Variants in USE1 observed in about 807,000 individuals in gnomAD.
The protein encoded by USE1 is vesicle transport protein USE1.
Under a neutral mutation model 37.6 loss-of-function variants are expected in USE1, and 32 were observed. That is an observed-to-expected ratio of 0.85 (90% CI 0.64 to 1.14). The LOEUF (loss-of-function observed/expected upper bound fraction) is 1.14. USE1 is among the 50% of genes most tolerant of loss of function. The pLI is 0.00. For synonymous variants in USE1, 149 were observed against 137.6 expected (o/e 1.08, Z -0.58); for missense variants, 310 against 332.2 (o/e 0.93, Z 0.52).
At position 17,215,555 on chromosome 19, in the gene USE1, A is replaced by AGCCCGAC. The variant is rs1381673659; in HGVS notation, c.102+48_102+49insGCCCGAC. 2.6e-6 allele frequency: 4 copies of AGCCCGAC among 1,541,870 alleles called. No individual in the cohort carries two copies. The South Asian group carries it at 4.8e-5, about 18-fold the overall frequency. Reference sequence around the variant, plus strand: ...CGTAGAGCCCGACTCCCGGGGGGTGATTCCTAGGGTTGGAAGCCACCTGGC... The same window carrying AGCCCGAC: ...CGTAGAGCCCGACTCCCGGGGGGTGAGCCCGACTTCCTAGGGTTGGAAGCCACCTGGC... On this transcript the variant is annotated intron_variant, in intron 1 of 7. Coordinates refer to ENST00000263897, the MANE Select transcript of USE1 (RefSeq NM_018467.4).
At chr19:17,218,414 C>G in intron 6 of USE1, 23 bp downstream of exon 6, 1 of 1,613,522 alleles carries the variant, frequency 6.2e-7, no homozygotes, top group Non-Finnish European at 8.5e-7. Context: ...GGCCCTGGGG[C>G]AGTAGTGGCA....
chr19:17,217,656 C>G (rs2073298848), intron 5 of USE1, 194 bp downstream of exon 5: 2 of 811,858 alleles, frequency 2.5e-6, no homozygotes, highest in Non-Finnish European at 4.0e-6. Flanking sequence ...CACAGTGGCT[C>G]ACACCTGTAA....
chr19:17,218,504 C>A, intron 6 of USE1, 113 bp downstream of exon 6: 1 of 1,360,200 alleles, frequency 7.4e-7, no homozygotes, highest in African/African-American at 1.5e-5. Context: ...TCTAAACCAA[C>A]CAGAAGCCAC....
In USE1 at chr19:17,219,224, G is replaced by T; in HGVS notation, c.434G>T (p.Gly145Val). ...GTGTGTGAAATCAGTGGAGTGGCAGGGTCCCAGCCAGTGAGTGAGAAGCAG... is the reference window on the plus strand; with the variant it reads ...GTGTGTGAAATCAGTGGAGTGGCAGTGTCCCAGCCAGTGAGTGAGAAGCAG... ...MDVRKRTGVA[G>V]SQPVSEKQLA... is the part of the protein sequence containing the mutation. The change falls in exon 7 of 8, where the codon GGG becomes GTG. Residue 145 changes from glycine to valine, a missense_variant. Physicochemically the swap from Gly to Val is moderately radical, Grantham distance 109 (BLOSUM62 -3). Transcript: ENST00000263897. 6.2e-7 allele frequency: 1 copy of T among 1,612,242 alleles called. No homozygotes were observed.
Position 17,215,374 on chromosome 19 carries a change from C to T in USE1, c.-32C>T. ...CTTCCGCCCTCTCTTAACATGGAGC[C>T]GGCGGAAGGGGTGGTGTAGGGCCGG... On this transcript the variant is annotated 5_prime_UTR_variant, in exon 1 of 8. Coordinates refer to ENST00000263897, the MANE Select transcript of USE1 (RefSeq NM_018467.4). The T allele has an allele frequency of 1.3e-6, 2 of 1,545,228 alleles. No individual in the cohort carries two copies. The highest frequency in any genetic ancestry group is 1.7e-6 in the Non-Finnish European group (2 of 1,145,216).
intron 1 of USE1, 57 bp from the exon 2 acceptor site, chr19:17,215,741 CGACT>C: frequency 3.0e-6 from 4 of 1,326,016 alleles, no homozygotes; most frequent in Non-Finnish European, 1.1e-6. Context: ...CCCGCCCCCC[CGACT>C]CCCATGATCA....
intron 4 of USE1, 159 bp downstream of exon 4, chr19:17,216,480 C>A: frequency 9.5e-7 from 1 of 1,048,688 alleles, no homozygotes; most frequent in South Asian, 1.7e-5. Context: ...AACAGAGGGG[C>A]ATTGTGGCTA....
chr19:17,219,603 G>A, intron 7 of USE1, 28 bp from the exon 8 acceptor site: 3 of 1,579,096 alleles, frequency 1.9e-6, no homozygotes, highest in Non-Finnish European at 2.6e-6. Context: ...CCCCAGTCCT[G>A]TTGACACCTT....
chr19:17,215,888 C>T (rs1351616135), intron 2 of USE1, 37 bp downstream of exon 2: 9 of 1,595,540 alleles, frequency 5.6e-6, no homozygotes, highest in Non-Finnish European at 7.7e-6. Flanking sequence ...CACATCAGCA[C>T]GTGGCTGTGC....
In USE1 at chr19:17,216,332, T is replaced by C; in HGVS notation, c.384+11T>C. The stretch of plus-strand genomic sequence containing the variant: ...GAGCTACTAGGCACGGTAGGGCTCC[T>C]TCCCTGGTCCCTGGGAATCCCTTGG... On this transcript the variant is annotated intron_variant, in intron 4 of 7. Transcript: ENST00000263897. 6.2e-7 allele frequency: 1 copy of C among 1,606,354 alleles called. No individual in the cohort carries two copies. The highest frequency in any genetic ancestry group is 8.5e-7 in the Non-Finnish European group (1 of 1,174,764).
chr19:17,218,586 G>A (rs1434210395), intron 6 of USE1, 195 bp downstream of exon 6: 2 of 598,132 alleles, frequency 3.3e-6, no homozygotes, highest in East Asian at 3.3e-5. Context: ...AATACTTTGG[G>A]AGGCTGAGGC....
intron 6 of USE1, 87 bp from the exon 7 acceptor site, chr19:17,219,126 C>CAAAA: frequency 3.8e-6 from 5 of 1,320,704 alleles, no homozygotes; most frequent in Non-Finnish European, 4.0e-6. Flanking sequence ...GACTCTGTAT[C>CAAAA]AAAAAAAAAA....
intron 2 of USE1, 51 bp from the exon 3 acceptor site, chr19:17,215,941 C>T: frequency 6.3e-7 from 1 of 1,582,776 alleles, no homozygotes; most frequent in Non-Finnish European, 8.6e-7. Flanking sequence ...GGACCCTTCC[C>T]TGAGCTGGGG....
Position 17,216,210 on chromosome 19 carries a change from C to G in USE1, c.273C>G (p.Ala91=). ...SEKALANQFL[A]PGRVPTTARE... ...AAGCACTGGCCAACCAGTTCCTGGC[C>G]CCTGGCCGTGTGCCAACCACAGCCA... Residue 91 remains alanine, a synonymous_variant, in exon 4 of 8, where the codon GCC becomes GCG. Transcript: ENST00000263897. 6 of 1,612,860 alleles carry G rather than the reference C, an allele frequency of 3.7e-6. No individual in the cohort carries two copies. Among genetic ancestry groups the G allele is most frequent in the Non-Finnish European group, 5.1e-6 (6 of 1,179,740 alleles).
In USE1 at chr19:17,216,284, G is replaced by A. The variant is rs2073290205; in HGVS notation, c.347G>A (p.Arg116Gln). 1 of 1,612,792 alleles carries A rather than the reference G, an allele frequency of 6.2e-7. No homozygotes were observed. Among genetic ancestry groups the A allele is most frequent in the African/African-American group, 1.3e-5 (1 of 74,932 alleles). The part of the protein sequence containing the change: ...TKTVHLQSRA[R>Q]YTSEMRSELL... ...ACGGTGCATCTGCAGTCACGGGCGC[G>A]GTACACCAGCGAGATGCGGAGTGAG... The change falls in exon 4 of 8, where the codon CGG (arginine) becomes CAG (glutamine). Residue 116 changes from arginine to glutamine, a missense_variant. Transcript: ENST00000263897.
Position 17,215,444 on chromosome 19 carries a change from G to A in USE1, c.39G>A (p.Leu13=), listed in dbSNP as rs745602461. 1 of 1,562,816 alleles carries A rather than the reference G, an allele frequency of 6.4e-7. No homozygotes were observed. Among genetic ancestry groups the A allele is most frequent in the East Asian group, 2.4e-5 (1 of 41,608 alleles). Residue 13 remains leucine (L), a synonymous_variant, in exon 1 of 8, where the codon CTG becomes CTA. Transcript: ENST00000263897. ...GGCTGGAGCTAAACCTGGTGCGGCT[G>A]CTATCCCGCTGCGAGGCGATGGCAG... is the stretch of plus-strand genomic sequence containing the variant. ...ASRLELNLVR[L]LSRCEAMAAE... is the part of the protein sequence containing the mutation.
chr19:17,216,139 C>T lies in USE1; in HGVS notation c.232-30C>T, dbSNP rs764406487. ...ACTTTGGTCCCCAGGACCTGCCCCT[C>T]CAGTGACTTATCTTCCCACATTTCT... On this transcript the variant is annotated intron_variant, in intron 3 of 7. Coordinates refer to ENST00000263897, the MANE Select transcript of USE1 (RefSeq NM_018467.4). 12 of 1,613,304 alleles carry T rather than the reference C, an allele frequency of 7.4e-6. No individual in the cohort carries two copies. The South Asian group carries it at 1.2e-4, about 16-fold the overall frequency.
chr19:17,215,742 G>A, intron 1 of USE1, 60 bp from the exon 2 acceptor site: 3 of 815,810 alleles, frequency 3.7e-6, no homozygotes, highest in East Asian at 1.2e-4. Flanking sequence ...CCGCCCCCCC[G>A]ACTCCCATGA....
intron 6 of USE1, chr19:17,218,684 G>A (rs560422045): frequency 3.8e-5 from 11 of 289,468 alleles, no homozygotes; most frequent in Admixed American, 9.7e-5. Context: ...AAAATTAGCC[G>A]GGCATGGTGG....
Sources: allele counts gnomAD v4.1 joint callset, GRCh38; gene constraint gnomAD v4.1.1; transcripts MANE v1.5; gene names NCBI Gene and HGNC (gene_info 2026-07-23, HGNC 2026-07-21).